Variants in TNIP1 observed in about 807,000 individuals in gnomAD.
TNIP1 encodes the protein TNFAIP3 interacting protein 1, also known as TNFAIP3-interacting protein 1.
Under a neutral mutation model 86.6 loss-of-function variants are expected in TNIP1, and 22 were observed. The observed-to-expected ratio is 0.25, with a 90% confidence interval of 0.18 to 0.36. The LOEUF is 0.36. Among genes scored for constraint, TNIP1 ranks in the 10% least tolerant of loss-of-function variants. TNIP1 has a pLI of 1.00. For synonymous variants in TNIP1, 294 were observed against 313.0 expected, an observed-to-expected ratio of 0.94 and a Z score of 0.64; for missense variants, 709 against 820.6, an observed-to-expected ratio of 0.86 and a Z score of 1.66.
upstream of TNIP1, among the ~76,000 whole-genome samples, chr5:151,082,125 A>G (rs1764071281): frequency 6.6e-6 from 1 of 152,208 alleles, no homozygotes; most frequent in Non-Finnish European, 1.5e-5. Context: ...CTCATTTTAC[A>G]GAAGAGAGAC....
upstream of TNIP1, among the ~76,000 whole-genome samples, chr5:151,085,367 T>C (rs1254248262): frequency 6.6e-6 from 1 of 152,160 alleles, no homozygotes; most frequent in African/African-American, 2.4e-5. Flanking sequence ...AGGGATTGCT[T>C]CTCTCCTTTT....
rs1213845541 is a variant in TNIP1, at chr5:151,065,090, T to C, written c.6A>G (p.Glu2=). 6.2e-7 allele frequency: 1 copy of C among 1,613,290 alleles called. No homozygotes were observed. The highest frequency in any genetic ancestry group is 8.5e-7 in the Non-Finnish European group (1 of 1,179,900). M[E]GRGPYRIYDP... ...CGTAGATCCGGTACGGTCCTCTCCC[T>C]TCCATGAGGGTAGCTCAGCCCCTGC... Residue 2 remains glutamate, a synonymous_variant, in exon 2 of 18, where the codon GAA becomes GAG. Transcript: ENST00000521591.
chr5:151,032,639 A>G, intron 16 of TNIP1: 1 of 516,092 alleles, frequency 1.9e-6, no homozygotes, highest in South Asian at 2.1e-5. Flanking sequence ...CAATCTCTTA[A>G]GCGCCATACT....
intron 4 of TNIP1, 55 bp downstream of exon 4, chr5:151,062,072 T>C: frequency 3.4e-6 from 5 of 1,480,608 alleles, no homozygotes; most frequent in East Asian, 2.3e-5. Flanking sequence ...TATCTGTCAG[T>C]AGGACTTGAG....
At position 151,063,810 on chromosome 5, in the gene TNIP1, G is replaced by A. The variant is rs145780566; in HGVS notation, c.137-63C>T. The A allele has an allele frequency of 2.0e-4, 322 of 1,581,774 alleles. 2 individuals are homozygous for A. In the African/African-American group the frequency reaches 3.5e-3, roughly 17 times the overall value. The stretch of plus-strand genomic sequence containing the variant: ...TCGGCTCAGTGTGCTGCTTCTCCCC[G>A]TCCCAGGCCCCTAACCGTGCTGCCG... On this transcript the variant is annotated intron_variant, in intron 2 of 17. Coordinates refer to ENST00000521591, the MANE Select transcript of TNIP1 (RefSeq NM_006058.5).
chr5:151,086,578 T>A (rs1044845352), intron 1 of TNIP1, among the ~76,000 whole-genome samples: 2 of 152,112 alleles, frequency 1.3e-5, no homozygotes, highest in Non-Finnish European at 2.9e-5. Flanking sequence ...AAATTCACTG[T>A]ACACACAGAT....
Position 151,063,834 on chromosome 5 carries a change from C to T in TNIP1, c.137-87G>A, listed in dbSNP as rs955238795. On this transcript the variant is annotated intron_variant, in intron 2 of 17. Transcript: ENST00000521591. ...CGTCCCAGGCCCCTAACCGTGCTGC[C>T]GCCTGGCTTCTGAGGCTCCAGGCCC... 4.6e-6 allele frequency: 7 copies of T among 1,526,006 alleles called. No homozygotes were observed. In the East Asian group the frequency reaches 9.2e-5, roughly 20 times the overall value. The allele number at this position is 1,526,006 out of a possible 1,614,324, so 94.5% of individuals were successfully genotyped here. A position where few individuals can be genotyped will look rare whatever the true frequency, so the allele number is the denominator to read the frequency against.
intron 7 of TNIP1, 87 bp from the exon 8 acceptor site, chr5:151,050,034 T>C: frequency 6.3e-7 from 1 of 1,583,422 alleles, no homozygotes; most frequent in Non-Finnish European, 8.6e-7. Context: ...ATCGCATGAG[T>C]TGCAGCTGAG....
rs766235292 is a variant in TNIP1 at position 151,052,152 on chromosome 5, G to A, written c.722+13C>T. On this transcript the variant is annotated intron_variant, in intron 7 of 17. Coordinates refer to ENST00000521591, the MANE Select transcript of TNIP1 (RefSeq NM_006058.5). ...CCCACTCCTCACCCCTTCTCTGAGG[G>A]GCCTGAACTTACCGCAGCCTCTCGG... is the stretch of plus-strand genomic sequence containing the variant. The A allele has an allele frequency of 2.5e-6, 4 of 1,613,002 alleles. No homozygotes were observed. In the African/African-American group the frequency reaches 5.3e-5, roughly 22 times the overall value.
chr5:151,055,795 G>A (rs1334211254), intron 6 of TNIP1, among the ~76,000 whole-genome samples: 2 of 152,218 alleles, frequency 1.3e-5, no homozygotes, highest in African/African-American at 4.8e-5. Context: ...GAGTCTGCAG[G>A]GAGTAAGGAG....
At chr5:151,052,022 G>C (rs1198971722) in intron 7 of TNIP1, 143 bp downstream of exon 7, 8 of 663,866 alleles carry the variant, frequency 1.2e-5, no homozygotes, top group Non-Finnish European at 2.0e-5. Flanking sequence ...CAAGGAGAAG[G>C]ATCAAGAGAC....
intron 2 of TNIP1, among the ~76,000 whole-genome samples, chr5:151,064,138 G>A (rs1761945845): frequency 6.6e-6 from 1 of 152,254 alleles, no homozygotes; most frequent in Admixed American, 6.5e-5. Flanking sequence ...GCTGCCTGCA[G>A]GGCGGAGACC....
chr5:151,071,914 GGA>G (rs1300996511), intron 1 of TNIP1, among the ~76,000 whole-genome samples: 1 of 152,222 alleles, frequency 6.6e-6, no homozygotes, highest in African/African-American at 2.4e-5. Context: ...TAACTAAGCT[GGA>G]GAGAGGGTGA....
intron 5 of TNIP1, 83 bp downstream of exon 5, chr5:151,060,235 G>A: frequency 6.9e-7 from 1 of 1,458,892 alleles, no homozygotes; most frequent in Non-Finnish European, 9.6e-7. Context: ...ATCTGAACAG[G>A]TTCTGTGCCT....
chr5:151,073,707 A>G (rs1049617689), intron 1 of TNIP1, among the ~76,000 whole-genome samples: 4 of 152,220 alleles, frequency 2.6e-5, no homozygotes, highest in African/African-American at 9.6e-5. Context: ...CAGCCTGGGC[A>G]AAAAGCAAGA....
At chr5:151,062,569 C>A (rs1447027456) in intron 3 of TNIP1, among the ~76,000 whole-genome samples, 1 of 152,202 alleles carries the variant, frequency 6.6e-6, no homozygotes, top group African/African-American at 2.4e-5. Context: ...CCCATATCCC[C>A]ATTTTAAAGG....
chr5:151,060,900 T>C (rs1761477431), intron 4 of TNIP1, among the ~76,000 whole-genome samples: 1 of 152,222 alleles, frequency 6.6e-6, no homozygotes, highest in Non-Finnish European at 1.5e-5. Context: ...TCTGATCGGT[T>C]TCCCAGAACA....
At chr5:151,068,307 G>A (rs903368542) in intron 1 of TNIP1, among the ~76,000 whole-genome samples, 3 of 152,180 alleles carry the variant, frequency 2.0e-5, no homozygotes, top group African/African-American at 4.8e-5. Context: ...GGGCAGACGG[G>A]AACTCTCCCT....
chr5:151,057,065 T>C, intron 5 of TNIP1, 108 bp from the exon 6 acceptor site: 1 of 1,149,040 alleles, frequency 8.7e-7, no homozygotes, highest in Non-Finnish European at 1.1e-6. Flanking sequence ...TTTCCCCCTG[T>C]GACCCCAGCT....
Sources: allele counts gnomAD v4.1 joint callset (sites outside exome capture counted in the v4.1 genomes callset), GRCh38; gene constraint gnomAD v4.1.1; transcripts MANE v1.5; gene names NCBI Gene and HGNC (gene_info 2026-07-23, HGNC 2026-07-21).